IRAG1: variants seen among roughly 807,000 people sequenced by gnomAD.
IRAG1 encodes the protein IP3R-associated cGMP kinase substrate.
In IRAG1, 62 loss-of-function variants were observed where a neutral mutation model predicts 106.2. The ratio of observed to expected loss-of-function variants is 0.58; its 90% CI spans 0.48 to 0.72. IRAG1 has a LOEUF of 0.72. Ranked by LOEUF, IRAG1 falls within the 30% of genes least tolerant of loss-of-function variation. The probability of loss-of-function intolerance (pLI) is 0.00; values close to 1 mark genes in which losing one functional copy is unlikely to be tolerated. For synonymous variants in IRAG1, 462 were observed against 443.9 expected, an observed-to-expected ratio of 1.04 and a Z score of -0.51; for missense variants, 1,064 against 1,140.7, an observed-to-expected ratio of 0.93 and a Z score of 0.97.
At position 10,657,569 on chromosome 11, in the gene IRAG1, C is replaced by A. The variant is rs374018270; in HGVS notation, c.68-5387G>T. On this transcript the variant is annotated intron_variant, in intron 1 of 20. Transcript: ENST00000423302. The surrounding 1 kb of genome is among the most constrained non-coding windows in gnomAD (Gnocchi z 4.1). Reference sequence around the variant, plus strand: ...CCCTTTCGGGAAACCATGGGTTAACCTAGCCTCCACTGACCTTTCTGGAGT... The same window carrying A: ...CCCTTTCGGGAAACCATGGGTTAACATAGCCTCCACTGACCTTTCTGGAGT... Among the ~76,000 whole-genome samples the A allele has an allele frequency of 6.6e-6, 1 of 152,216 alleles. No individual in the cohort carries two copies. The highest frequency in any genetic ancestry group is 1.5e-5 in the Non-Finnish European group (1 of 68,024).
intron 5 of IRAG1, among the ~76,000 whole-genome samples, 178 bp from the exon 6 acceptor site, chr11:10,629,006 G>C (rs563614082): frequency 1.3e-5 from 2 of 152,224 alleles, no homozygotes; most frequent in Non-Finnish European, 2.9e-5. Context: ...CCCTGCTGCT[G>C]CTCAAGAGAT....
intron 18 of IRAG1, among the ~76,000 whole-genome samples, chr11:10,582,785 A>G (rs1370530513): frequency 3.9e-5 from 6 of 152,106 alleles, no homozygotes; most frequent in Non-Finnish European, 5.9e-5. Flanking sequence ...GTGAAACCCC[A>G]TCTCTACTAA....
chr11:10,618,061 C>T (rs541893030), intron 10 of IRAG1, among the ~76,000 whole-genome samples: 1 of 152,320 alleles, frequency 6.6e-6, no homozygotes, highest in East Asian at 1.9e-4. Flanking sequence ...CTTCAATTTC[C>T]TTGGTCTCAG....
chr11:10,613,127 T>A (rs1855109686), intron 10 of IRAG1, among the ~76,000 whole-genome samples: 1 of 152,016 alleles, frequency 6.6e-6, no homozygotes, highest in African/African-American at 2.4e-5. Context: ...TCCGAAGCAG[T>A]GAACAAAACA....
chr11:10,576,088 C>G lies in IRAG1; in HGVS notation c.*244G>C. ...GAGACCTTCCCTTCCAATAGAGTTC[C>G]TTGGTGAAGGTGACTTCTTCATCCA... On this transcript the variant is annotated 3_prime_UTR_variant, in exon 21 of 21. Transcript: ENST00000423302. 1 of 526,968 alleles carries G rather than the reference C, an allele frequency of 1.9e-6. No homozygotes were observed. 32.6% of individuals were successfully genotyped at this position (526,968 alleles called of 1,614,324 possible). A position where few individuals can be genotyped will look rare whatever the true frequency, so the allele number is the denominator to read the frequency against.
intron 10 of IRAG1, among the ~76,000 whole-genome samples, chr11:10,613,971 C>A (rs906201858): frequency 6.6e-6 from 1 of 152,132 alleles, no homozygotes; most frequent in African/African-American, 2.4e-5. Context: ...CAAATTCTCA[C>A]GCACCAAGCC....
intron 1 of IRAG1, among the ~76,000 whole-genome samples, chr11:10,675,670 C>T (rs1313223541): frequency 1.3e-5 from 2 of 152,200 alleles, no homozygotes; most frequent in South Asian, 4.1e-4. Flanking sequence ...AGACTTGTCA[C>T]TCTAGGCCTA....
Position 10,693,746 on chromosome 11 carries a change from G to C in IRAG1, c.-144C>G, listed in dbSNP as rs1457645664. The C allele has an allele frequency of 3.1e-6, 3 of 978,702 alleles. No homozygotes were observed. The highest frequency in any genetic ancestry group is 4.5e-6 in the Non-Finnish European group (3 of 673,724). The allele number at this position is 978,702 out of a possible 1,614,324, so 60.6% of individuals were successfully genotyped here. ...GAGCCCCACTCCGGCCTGGCTCGGG[G>C]GATAATGGCAGGGAAAGCCGACCAG... On this transcript the variant is annotated 5_prime_UTR_variant, in exon 1 of 21. Transcript: ENST00000423302.
chr11:10,630,310 A>G (rs985238186), intron 4 of IRAG1, among the ~76,000 whole-genome samples: 5 of 150,538 alleles, frequency 3.3e-5, no homozygotes, highest in African/African-American at 1.2e-4. Context: ...TCCTCCCTGC[A>G]TTTACCTATA....
chr11:10,677,530 C>G (rs1589965335), intron 1 of IRAG1, among the ~76,000 whole-genome samples: 1 of 152,136 alleles, frequency 6.6e-6, no homozygotes, highest in Non-Finnish European at 1.5e-5. Flanking sequence ...CCGTCCCCTC[C>G]CCTCAACCAT....
intron 2 of IRAG1, among the ~76,000 whole-genome samples, chr11:10,638,541 C>A (rs1392315398): frequency 6.6e-6 from 1 of 152,174 alleles, no homozygotes; most frequent in African/African-American, 2.4e-5. Flanking sequence ...GGCTTCTTTC[C>A]CTGGATTTTA....
Position 10,628,788 on chromosome 11 carries a change from G to A in IRAG1, c.615C>T (p.Ser205=), listed in dbSNP as rs1856470337. The A allele has an allele frequency of 2.6e-6, 4 of 1,565,622 alleles. No homozygotes were observed. The highest frequency in any genetic ancestry group is 2.6e-6 in the Non-Finnish European group (3 of 1,160,036). ...PNLSPSASPT[S]SRSNSLTVPT... ...GGACTGTAAGTGAGTTGCTCCGAGA[G>A]GATGTAGGAGAAGCGCTGGGGCTGA... The change falls in exon 6 of 21, where the codon TCC becomes TCT. Residue 205 remains serine, a synonymous_variant. Coordinates refer to ENST00000423302, the MANE Select transcript of IRAG1 (RefSeq NM_130385.4). This position sits in a 1 kb window ranked among gnomAD's most constrained non-coding sequence, Gnocchi z 4.1.
chr11:10,644,176 C>T (rs1157217477), intron 2 of IRAG1, among the ~76,000 whole-genome samples: 1 of 152,204 alleles, frequency 6.6e-6, no homozygotes, highest in African/African-American at 2.4e-5. Flanking sequence ...AGGATGACAT[C>T]AGTGGGAAAC....
intron 2 of IRAG1, among the ~76,000 whole-genome samples, chr11:10,637,794 G>T (rs958205610): frequency 6.6e-6 from 1 of 152,080 alleles, no homozygotes; most frequent in African/African-American, 2.4e-5. Flanking sequence ...GACATGCAGT[G>T]GAACAGTATT....
At chr11:10,689,574 T>C (rs1431465100) in intron 1 of IRAG1, among the ~76,000 whole-genome samples, 2 of 152,186 alleles carry the variant, frequency 1.3e-5, no homozygotes, top group South Asian at 4.1e-4. Flanking sequence ...AGCCATCATG[T>C]CACATGTGCC....
At chr11:10,589,782 T>C (rs1852431992) in intron 18 of IRAG1, among the ~76,000 whole-genome samples, 1 of 152,320 alleles carries the variant, frequency 6.6e-6, no homozygotes, top group East Asian at 1.9e-4. Flanking sequence ...TATAAAGCAC[T>C]GGAAAGGTGA....
chr11:10,666,033 T>A (rs1859759722), intron 1 of IRAG1, among the ~76,000 whole-genome samples: 1 of 152,158 alleles, frequency 6.6e-6, no homozygotes, highest in Admixed American at 6.5e-5. Context: ...TAGAGGCCCA[T>A]GTATTTCAAG....
At chr11:10,671,672 A>G (rs1860235379) in intron 1 of IRAG1, among the ~76,000 whole-genome samples, 1 of 152,170 alleles carries the variant, frequency 6.6e-6, no homozygotes, top group Non-Finnish European at 1.5e-5. Flanking sequence ...AGATCACACC[A>G]CTGCACTCCA....
intron 8 of IRAG1, among the ~76,000 whole-genome samples, 164 bp downstream of exon 8, chr11:10,627,552 A>T (rs1263865137): frequency 1.3e-5 from 2 of 151,314 alleles, no homozygotes; most frequent in Admixed American, 1.3e-4. Flanking sequence ...TTAGACTTCT[A>T]GTCACTATAA....
Sources: gnomAD v4.1 joint callset for allele counts (sites outside exome capture counted in the v4.1 genomes callset) on GRCh38, gnomAD v4.1.1 for gene constraint, Gnocchi (gnomAD v3.1) non-coding constraint, MANE v1.5 for transcripts, NCBI Gene and HGNC (gene_info 2026-07-23, HGNC 2026-07-21) for gene names.